Variants in SKA3 observed in about 807,000 individuals in gnomAD.
SKA3 encodes spindle and kinetochore associated complex subunit 3.
Under a neutral mutation model 44.2 loss-of-function variants are expected in SKA3, and 39 were observed. That is an observed-to-expected ratio of 0.88 (90% CI 0.68 to 1.15). SKA3 has a LOEUF of 1.15. Among genes scored for constraint, SKA3 ranks in the 50% most tolerant of loss-of-function variants. SKA3 has a pLI of 0.00. For synonymous variants in SKA3, 192 were observed against 172.0 expected, an observed-to-expected ratio of 1.12 and a Z score of -0.91; for missense variants, 511 against 485.8, an observed-to-expected ratio of 1.05 and a Z score of -0.49.
Position 21,176,491 on chromosome 13 carries a change from G to T in SKA3, c.-14C>A. ...GATAGGGTCCATGCTGAGCACAGCG[G>T]GGAAGGACTCCAGGCGTACGCAGAC... On this transcript the variant is annotated 5_prime_UTR_variant, in exon 1 of 9. Coordinates refer to ENST00000314759, the MANE Select transcript of SKA3 (RefSeq NM_145061.6). The T allele has an allele frequency of 6.6e-7, 1 of 1,507,080 alleles. No homozygotes were observed. The highest frequency in any genetic ancestry group is 2.2e-5 in the Admixed American group (1 of 44,784). 93.4% of individuals were successfully genotyped at this position (1,507,080 alleles called of 1,614,324 possible).
At chr13:21,170,886 G>C (rs950295763) in intron 3 of SKA3, among the ~76,000 whole-genome samples, 2 of 150,738 alleles carry the variant, frequency 1.3e-5, no homozygotes, top group Admixed American at 6.7e-5. Context: ...CACGTGGGGG[G>C]TGGTGGTGGT....
chr13:21,171,420 C>CA (rs1315114918), intron 3 of SKA3, among the ~76,000 whole-genome samples: 5 of 151,670 alleles, frequency 3.3e-5, no homozygotes, highest in African/African-American at 1.2e-4. Flanking sequence ...AATAAAAATA[C>CA]AAAAAAATTA....
intron 1 of SKA3, 50 bp from the exon 2 acceptor site, chr13:21,172,731 G>A: frequency 8.6e-7 from 1 of 1,169,252 alleles, no homozygotes; most frequent in Non-Finnish European, 1.2e-6. Context: ...GTAAGGAAAA[G>A]GAGGAAGAAA....
Position 21,172,660 on chromosome 13 carries a change from C to A in SKA3, c.125G>T (p.Arg42Ile), listed in dbSNP as rs1215304305. 3.2e-6 allele frequency: 5 copies of A among 1,581,008 alleles called. No homozygotes were observed. The highest frequency in any genetic ancestry group is 3.6e-5 in the Admixed American group (2 of 55,788). ...TTCTGAATGAAGGTCATATAAAATT[C>A]TCATTGGATAATCTTCAAAGTCTTC... ...EESDFEDYPM[R>I]ILYDLHSEVQ... The change falls in exon 2 of 9, where the codon AGA becomes ATA. Residue 42 changes from arginine to isoleucine, a missense_variant. By Grantham distance (97) the Arg-to-Ile change is moderately conservative (BLOSUM62 -3). Coordinates refer to ENST00000314759, the MANE Select transcript of SKA3 (RefSeq NM_145061.6).
chr13:21,159,975 G>A lies in SKA3; in HGVS notation c.842C>T (p.Thr281Ile). The part of the protein sequence containing the change: ...QQLEKSDAEY[T>I]NSPLVPTFCT... ...GAATGTAGGTACCAAAGGAGAGTTG[G>A]TATATTCGGCATCTAAAAGACACAT... Residue 281 changes from threonine to isoleucine, a missense_variant, in exon 6 of 9, where the codon ACC (threonine) becomes ATC (isoleucine). By Grantham distance (89) the Thr-to-Ile change is moderately conservative (BLOSUM62 -1). Coordinates refer to ENST00000314759, the MANE Select transcript of SKA3 (RefSeq NM_145061.6). 6.2e-7 allele frequency: 1 copy of A among 1,604,358 alleles called. No homozygotes were observed. Among genetic ancestry groups the A allele is most frequent in the Non-Finnish European group, 8.5e-7 (1 of 1,176,072 alleles).
chr13:21,159,759 T>C, intron 6 of SKA3, 143 bp downstream of exon 6: 1 of 532,184 alleles, frequency 1.9e-6, no homozygotes, highest in Non-Finnish European at 3.3e-6. Context: ...GCTGCCAAGC[T>C]ACCCTCCAGA....
At chr13:21,155,514 C>G (rs1464812366) in intron 8 of SKA3, among the ~76,000 whole-genome samples, 179 bp downstream of exon 8, 1 of 151,432 alleles carries the variant, frequency 6.6e-6, no homozygotes, top group Non-Finnish European at 1.5e-5. Flanking sequence ...TCAAGCGATT[C>G]TCCTGCCTCA....
intron 4 of SKA3, among the ~76,000 whole-genome samples, chr13:21,164,848 G>A (rs1870621612): frequency 1.3e-5 from 2 of 151,972 alleles, no homozygotes; most frequent in African/African-American, 4.8e-5. Flanking sequence ...CCAAGCAGGT[G>A]GAACTAAGGC....
At position 21,168,052 on chromosome 13, in the gene SKA3, CAG is replaced by C. The variant is rs1278458639; in HGVS notation, c.677_678del (p.Ser226Ter). On this transcript the variant is annotated frameshift_variant, in exon 4 of 9. Transcript: ENST00000314759. LOFTEE classifies it high-confidence loss of function. ...TCTTCATTTAAACACATAGTATATT[CAG>C]AGATACCAAAGTGTTCTAATTTAGG... ...VTPKLEHFGI[S>X]EYTMCLNEDY... The C allele has an allele frequency of 1.2e-6, 2 of 1,613,140 alleles. No homozygotes were observed. The highest frequency in any genetic ancestry group is 2.7e-5 in the African/African-American group (2 of 74,922).
intron 4 of SKA3, among the ~76,000 whole-genome samples, chr13:21,163,733 T>C (rs970795518): frequency 2.6e-5 from 4 of 152,164 alleles, no homozygotes; most frequent in Admixed American, 2.6e-4. Flanking sequence ...GCTAAAAGTG[T>C]TCATATGCTT....
chr13:21,159,446 G>A (rs567908815), intron 6 of SKA3, among the ~76,000 whole-genome samples: 76 of 152,178 alleles, frequency 5.0e-4, no homozygotes, highest in African/African-American at 1.6e-3. Flanking sequence ...ATGTGTGTGT[G>A]TACATACACA....
rs1056070583 is a variant in SKA3 at position 21,166,071 on chromosome 13, G to A, written c.743+1917C>T. On this transcript the variant is annotated intron_variant, in intron 4 of 8. Transcript: ENST00000314759. Reference sequence around the variant, plus strand: ...TTGCTCTTGTTATCTAGGCTGGAGTGCAGTGGCGTGATCTCAGCTTACTGC... The same window carrying A: ...TTGCTCTTGTTATCTAGGCTGGAGTACAGTGGCGTGATCTCAGCTTACTGC... Among the ~76,000 whole-genome samples, 3 of 151,450 alleles carry A rather than the reference G, an allele frequency of 2.0e-5. No homozygotes were observed. The South Asian group carries it at 6.3e-4, about 32-fold the overall frequency.
At chr13:21,161,901 A>G (rs764149474) in intron 4 of SKA3, 26 bp from the exon 5 acceptor site, 2 of 1,143,300 alleles carry the variant, frequency 1.7e-6, no homozygotes, top group South Asian at 4.1e-5. Flanking sequence ...GGGAAATTAC[A>G]AGGTTAAAAA....
intron 1 of SKA3, 115 bp from the exon 2 acceptor site, chr13:21,172,796 A>G: frequency 1.7e-6 from 1 of 600,580 alleles, no homozygotes; most frequent in Non-Finnish European, 2.9e-6. Flanking sequence ...CACAGATCAC[A>G]TATGACAGTG....
Position 21,155,043 on chromosome 13 carries a change from A to T in SKA3, c.*107T>A. ...TCATGTTTGTCTTTAAAATGGGTCA[A>T]CGTTTAAAGGGGGACAGAGGCAGGG... On this transcript the variant is annotated 3_prime_UTR_variant, in exon 9 of 9. Coordinates refer to ENST00000314759, the MANE Select transcript of SKA3 (RefSeq NM_145061.6). The T allele has an allele frequency of 6.4e-7, 1 of 1,554,280 alleles. No homozygotes were observed. The highest frequency in any genetic ancestry group is 1.4e-5 in the African/African-American group (1 of 72,608).
chr13:21,173,583 A>C (rs534548067), intron 1 of SKA3, among the ~76,000 whole-genome samples: 2 of 150,842 alleles, frequency 1.3e-5, no homozygotes, highest in African/African-American at 4.9e-5. Flanking sequence ...TAACGCCATG[A>C]AGTAGTTTTG....
chr13:21,161,512 T>A (rs755372841), intron 5 of SKA3, among the ~76,000 whole-genome samples: 4 of 152,310 alleles, frequency 2.6e-5, no homozygotes, highest in Admixed American at 6.5e-5. Flanking sequence ...GTACTAAGGC[T>A]CTACATCAAA....
chr13:21,161,796 T>C lies in SKA3; in HGVS notation c.823A>G (p.Lys275Glu), dbSNP rs1238527816. ...TPSPIIQQLE[K>E]SDAEYTNSPL... is the part of the protein sequence containing the mutation. ...ACTTGATTCTTATACTTACCACTTT[T>C]TTCCAACTGCTGGATGATGGGGCTG... The change falls in exon 5 of 9, where the codon AAA becomes GAA. Residue 275 changes from lysine (K) to glutamate (E), a missense_variant. Lys to Glu is a moderately conservative substitution (Grantham distance 56). Coordinates refer to ENST00000314759, the MANE Select transcript of SKA3 (RefSeq NM_145061.6). The C allele has an allele frequency of 1.2e-6, 2 of 1,611,296 alleles. No homozygotes were observed. Among genetic ancestry groups the C allele is most frequent in the Admixed American group, 3.3e-5 (2 of 59,816 alleles).
At chr13:21,162,678 G>T (rs923250244) in intron 4 of SKA3, among the ~76,000 whole-genome samples, 2 of 152,094 alleles carry the variant, frequency 1.3e-5, no homozygotes, top group African/African-American at 4.8e-5. Flanking sequence ...ACTACACCTG[G>T]TCATTGTGTA....
Sources: gnomAD v4.1 joint callset for allele counts (sites outside exome capture counted in the v4.1 genomes callset) on GRCh38, gnomAD v4.1.1 for gene constraint, MANE v1.5 for transcripts, NCBI Gene and HGNC (gene_info 2026-07-23, HGNC 2026-07-21) for gene names.